VTI1A: variants seen among roughly 807,000 people sequenced by gnomAD.
VTI1A encodes the protein vesicle transport through interaction with t-SNAREs homolog 1A.
A neutral mutation model predicts 34.9 loss-of-function variants in VTI1A; 22 were observed. That is an observed-to-expected ratio of 0.63 (90% CI 0.45 to 0.90). The LOEUF is 0.90. VTI1A is among the 40% of genes least tolerant of loss of function. The pLI is 0.00. For synonymous variants in VTI1A, 87 were observed against 97.3 expected (o/e 0.89, Z 0.62); for missense variants, 268 against 275.6 (o/e 0.97, Z 0.20).
intron 7 of VTI1A, among the ~76,000 whole-genome samples, chr10:112,814,979 A>G (rs1479010831): frequency 6.6e-6 from 1 of 151,962 alleles, no homozygotes; most frequent in Admixed American, 6.6e-5. Context: ...TGATCACTTA[A>G]AGAGGCTACA....
the VTI1A span, among the ~76,000 whole-genome samples, chr10:112,842,053 T>C: frequency 1.8e-5 from 1 of 54,354 alleles, no homozygotes. Flanking sequence ...TTTTTTTCCT[T>C]TTTTTTTTTT....
At chr10:112,825,864 G>C in the VTI1A span, 1 of 152,172 alleles carries the variant, frequency 6.6e-6, no homozygotes, top group African/African-American at 2.4e-5. Context: ...AATTCCACAT[G>C]CATGTTCAAT....
At chr10:112,620,124 A>T (rs1358842415) in intron 5 of VTI1A, among the ~76,000 whole-genome samples, 1 of 152,210 alleles carries the variant, frequency 6.6e-6, no homozygotes, top group Non-Finnish European at 1.5e-5. Context: ...TAATATTAAC[A>T]GTGTGTGTTG....
chr10:112,578,013 G>A lies in VTI1A; in HGVS notation c.427+39683G>A, dbSNP rs867434761. Among the ~76,000 whole-genome samples the A allele has an allele frequency of 3.9e-5, 6 of 152,132 alleles. No individual in the cohort carries two copies. The East Asian group carries it at 5.8e-4, about 15-fold the overall frequency. ...TGAGAAAATCAAATGAAAAAAGTCCGGAAATACTATGTAAATGTGAAGTAA... is the reference window on the plus strand; with the variant it reads ...TGAGAAAATCAAATGAAAAAAGTCCAGAAATACTATGTAAATGTGAAGTAA... On this transcript the variant is annotated intron_variant, in intron 5 of 7. Transcript: ENST00000393077.
At chr10:112,514,531 T>C (rs141876574) in intron 3 of VTI1A, among the ~76,000 whole-genome samples, 3 of 151,978 alleles carry the variant, frequency 2.0e-5, no homozygotes, top group Non-Finnish European at 4.4e-5. Flanking sequence ...TATTTCATTC[T>C]TCTGCTAACT....
At chr10:112,830,610 G>T in the VTI1A span, among the ~76,000 whole-genome samples, 1 of 150,502 alleles carries the variant, frequency 6.6e-6, no homozygotes. Context: ...TCCACGTTAT[G>T]TGGATCACTT....
chr10:112,500,521 T>C (rs1223114699), intron 3 of VTI1A, among the ~76,000 whole-genome samples: 1 of 152,218 alleles, frequency 6.6e-6, no homozygotes, highest in Non-Finnish European at 1.5e-5. Context: ...CATTCAAATT[T>C]CAGGTTTCTA....
At chr10:112,496,879 G>T (rs529729932) in intron 3 of VTI1A, among the ~76,000 whole-genome samples, 1 of 152,000 alleles carries the variant, frequency 6.6e-6, no homozygotes, top group African/African-American at 2.4e-5. Flanking sequence ...CAATACAACT[G>T]CCAGTTGTAC....
intron 2 of VTI1A, among the ~76,000 whole-genome samples, chr10:112,463,268 C>T (rs555605828): frequency 1.7e-4 from 26 of 152,270 alleles, no homozygotes; most frequent in South Asian, 1.5e-3. Flanking sequence ...GCCACTTCTG[C>T]TATCTTGTAT....
In VTI1A at chr10:112,447,232, C is replaced by T. The variant is rs1846864809; in HGVS notation, c.-142C>T. On this transcript the variant is annotated 5_prime_UTR_variant, in exon 1 of 8. Coordinates refer to ENST00000393077, the MANE Select transcript of VTI1A (RefSeq NM_145206.4). The stretch of plus-strand genomic sequence containing the variant: ...ATTGCGACGAACAACCAGGAAGCGG[C>T]TGGGTTGAGAGCTGTCCCCGGTTCT... 3.9e-6 allele frequency: 3 copies of T among 765,696 alleles called. No homozygotes were observed. Among genetic ancestry groups the T allele is most frequent in the Non-Finnish European group, 4.0e-6 (2 of 499,928 alleles). 47.4% of individuals were successfully genotyped at this position (765,696 alleles called of 1,614,324 possible).
chr10:112,535,120 T>C (rs1850574412), intron 4 of VTI1A, among the ~76,000 whole-genome samples: 1 of 152,222 alleles, frequency 6.6e-6, no homozygotes, highest in Admixed American at 6.5e-5. Flanking sequence ...TTTGATGGCT[T>C]ATTTCTTTTC....
chr10:112,838,743 T>A, the VTI1A span, among the ~76,000 whole-genome samples: 1 of 152,146 alleles, frequency 6.6e-6, no homozygotes, highest in Non-Finnish European at 1.5e-5. Flanking sequence ...TCACTGCGCT[T>A]CCAGGCATCT....
chr10:112,749,376 C>T (rs1004571554), intron 7 of VTI1A, among the ~76,000 whole-genome samples: 6 of 152,278 alleles, frequency 3.9e-5, no homozygotes, highest in African/African-American at 1.4e-4. Context: ...GGGTGGAAAA[C>T]GTGAAACCAT....
At chr10:112,590,836 C>T (rs1334429355) in intron 5 of VTI1A, among the ~76,000 whole-genome samples, 2 of 152,124 alleles carry the variant, frequency 1.3e-5, no homozygotes, top group African/African-American at 2.4e-5. Context: ...CATGGTGGCT[C>T]ACATCTGTAA....
At chr10:112,592,312 G>A (rs901308729) in intron 5 of VTI1A, among the ~76,000 whole-genome samples, 2 of 152,138 alleles carry the variant, frequency 1.3e-5, no homozygotes, top group Non-Finnish European at 2.9e-5. Flanking sequence ...TTAAGCCACC[G>A]AGCTTTTGGT....
intron 5 of VTI1A, among the ~76,000 whole-genome samples, chr10:112,559,033 A>G (rs1265563405): frequency 2.0e-5 from 3 of 152,206 alleles, no homozygotes; most frequent in East Asian, 1.9e-4. Context: ...TGCTGTGCCA[A>G]TGGGCGCTTA....
At chr10:112,671,594 A>G (rs765187299) in intron 7 of VTI1A, among the ~76,000 whole-genome samples, 16 of 152,230 alleles carry the variant, frequency 1.1e-4, no homozygotes, top group Non-Finnish European at 2.2e-4. Context: ...TAAAGTGAAC[A>G]GAAATGGCTT....
chr10:112,844,345 C>T, the VTI1A span, among the ~76,000 whole-genome samples: 1 of 152,120 alleles, frequency 6.6e-6, no homozygotes, highest in Non-Finnish European at 1.5e-5. Flanking sequence ...AGTTGAGAAC[C>T]AAACATGAAG....
At chr10:112,627,601 T>C (rs922936108) in intron 5 of VTI1A, among the ~76,000 whole-genome samples, 2 of 152,190 alleles carry the variant, frequency 1.3e-5, no homozygotes, top group Admixed American at 1.3e-4. Flanking sequence ...TATTCGTATG[T>C]TTTGTCTGTA....
Sources: allele counts gnomAD v4.1 joint callset (sites outside exome capture counted in the v4.1 genomes callset), GRCh38; gene constraint gnomAD v4.1.1; transcripts MANE v1.5; gene names NCBI Gene and HGNC (gene_info 2026-07-23, HGNC 2026-07-21).